PAK5: variants seen among roughly 807,000 people sequenced by gnomAD.
The protein encoded by PAK5 is serine/threonine-protein kinase PAK 5.
Under a neutral mutation model 65.9 loss-of-function variants are expected in PAK5, and 16 were observed. That is an observed-to-expected ratio of 0.24 (90% CI 0.16 to 0.37). The LOEUF is 0.37. Ranked by LOEUF, PAK5 falls within the 10% of genes least tolerant of loss-of-function variation. PAK5 has a pLI of 1.00. For synonymous variants in PAK5, 371 were observed against 354.9 expected, an observed-to-expected ratio of 1.05 and a Z score of -0.51; for missense variants, 785 against 903.9, an observed-to-expected ratio of 0.87 and a Z score of 1.69.
At chr20:9,590,830 C>T (rs1259548091) in intron 3 of PAK5, among the ~76,000 whole-genome samples, 1 of 152,094 alleles carries the variant, frequency 6.6e-6, no homozygotes, top group Non-Finnish European at 1.5e-5. Flanking sequence ...ATAAACAACC[C>T]AACACTGTTC....
chr20:9,556,223 C>T (rs2045504032), intron 7 of PAK5, among the ~76,000 whole-genome samples: 1 of 152,160 alleles, frequency 6.6e-6, no homozygotes, highest in South Asian at 2.1e-4. Context: ...ACTTAAAACT[C>T]CTCATTAAAC....
rs749283475 is a variant in PAK5 at position 9,580,466 on chromosome 20, C to T, written c.669G>A (p.Ser223=). ...SDLKWEYQRA[S]SSSPLDYSFQ... is the part of the protein sequence containing the mutation. ...ATGAATAATCCAGAGGGGAGCTACTCGAGGCTCTCTGATACTCCCACTTGA... is the reference window on the plus strand; with the variant it reads ...ATGAATAATCCAGAGGGGAGCTACTTGAGGCTCTCTGATACTCCCACTTGA... The change falls in exon 4 of 10, where the codon TCG becomes TCA. Residue 223 remains serine, a synonymous_variant. Coordinates refer to ENST00000353224, the MANE Select transcript of PAK5 (RefSeq NM_177990.4). 6 of 1,614,016 alleles carry T rather than the reference C, an allele frequency of 3.7e-6. No homozygotes were observed. The highest frequency in any genetic ancestry group is 1.7e-5 in the Admixed American group (1 of 60,006).
intron 2 of PAK5, among the ~76,000 whole-genome samples, chr20:9,658,364 T>C (rs1176700053): frequency 6.6e-6 from 1 of 152,222 alleles, no homozygotes; most frequent in Non-Finnish European, 1.5e-5. Context: ...GATGGCCACA[T>C]GGACTCTCAT....
At chr20:9,718,548 C>T (rs138140233) in intron 1 of PAK5, among the ~76,000 whole-genome samples, 23 of 152,000 alleles carry the variant, frequency 1.5e-4, no homozygotes, top group African/African-American at 5.6e-4. Context: ...ATATTGAGTT[C>T]TAGCCAAATA....
intron 3 of PAK5, among the ~76,000 whole-genome samples, chr20:9,640,528 G>A (rs1189347125): frequency 6.6e-6 from 1 of 152,140 alleles, no homozygotes; most frequent in Non-Finnish European, 1.5e-5. Flanking sequence ...ACATACGTGT[G>A]CTTGTGTGTT....
intron 6 of PAK5, among the ~76,000 whole-genome samples, chr20:9,562,472 T>G (rs780406088): frequency 5.3e-5 from 8 of 152,206 alleles, no homozygotes; most frequent in Non-Finnish European, 1.0e-4. Flanking sequence ...CCCAGATTCA[T>G]TATTTTGATA....
intron 1 of PAK5, among the ~76,000 whole-genome samples, chr20:9,734,163 G>C (rs1388554923): frequency 6.6e-6 from 1 of 152,172 alleles, no homozygotes; most frequent in Admixed American, 6.5e-5. Context: ...TGTGCTAAAA[G>C]AAAAGTTGTA....
At chr20:9,813,766 G>T (rs918772269) in intron 1 of PAK5, among the ~76,000 whole-genome samples, 1 of 152,134 alleles carries the variant, frequency 6.6e-6, no homozygotes. Context: ...AATTTTAATC[G>T]ATGCCGACAA....
chr20:9,690,774 G>GTTTT, intron 2 of PAK5, among the ~76,000 whole-genome samples: 1 of 100,642 alleles, frequency 9.9e-6, no homozygotes, highest in Non-Finnish European at 1.9e-5. Context: ...TTTTTTTTGA[G>GTTTT]AAGGAGTTTC....
chr20:9,657,338 T>A (rs1352632711), intron 2 of PAK5, among the ~76,000 whole-genome samples: 1 of 152,306 alleles, frequency 6.6e-6, no homozygotes, highest in Admixed American at 6.5e-5. Flanking sequence ...CATTCTTTTT[T>A]ATTGGTGAGT....
chr20:9,574,594 T>C (rs1421099976), intron 4 of PAK5, among the ~76,000 whole-genome samples: 5 of 151,064 alleles, frequency 3.3e-5, no homozygotes. Flanking sequence ...TTCATTTTGT[T>C]TTTAATTTGG....
chr20:9,675,046 C>T (rs964492176), intron 2 of PAK5, among the ~76,000 whole-genome samples: 5 of 152,132 alleles, frequency 3.3e-5, no homozygotes, highest in African/African-American at 9.7e-5. Flanking sequence ...CACAATTCCT[C>T]CTAAATAGGA....
At chr20:9,753,060 C>G (rs916101282) in intron 1 of PAK5, among the ~76,000 whole-genome samples, 1 of 152,146 alleles carries the variant, frequency 6.6e-6, no homozygotes, top group Non-Finnish European at 1.5e-5. Context: ...CCAGACCAGC[C>G]AACCCCAAGC....
chr20:9,731,936 A>G (rs2048338894), intron 1 of PAK5, among the ~76,000 whole-genome samples: 1 of 152,224 alleles, frequency 6.6e-6, no homozygotes, highest in Non-Finnish European at 1.5e-5. Context: ...TGAATATAAA[A>G]TGTCAAAATT....
intron 1 of PAK5, among the ~76,000 whole-genome samples, chr20:9,812,681 A>G (rs1174162657): frequency 6.6e-6 from 1 of 152,186 alleles, no homozygotes; most frequent in African/African-American, 2.4e-5. Context: ...ATCAACTCAA[A>G]TGCACATCAA....
intron 2 of PAK5, among the ~76,000 whole-genome samples, chr20:9,651,981 A>C (rs933486932): frequency 1.3e-5 from 2 of 152,256 alleles, no homozygotes; most frequent in Non-Finnish European, 2.9e-5. Flanking sequence ...ATAAGACCAC[A>C]GAATTTTAAA....
At chr20:9,687,076 C>T (rs910610812) in intron 2 of PAK5, among the ~76,000 whole-genome samples, 1 of 152,182 alleles carries the variant, frequency 6.6e-6, no homozygotes, top group Non-Finnish European at 1.5e-5. Context: ...TGGCAGAGAG[C>T]TGCTCTTGGG....
chr20:9,595,094 T>C (rs2046239719), intron 3 of PAK5, among the ~76,000 whole-genome samples: 1 of 150,756 alleles, frequency 6.6e-6, no homozygotes, highest in South Asian at 2.1e-4. Flanking sequence ...TATATACACA[T>C]ATACATATAT....
chr20:9,558,110 G>T (rs1457036098), intron 6 of PAK5, among the ~76,000 whole-genome samples: 2 of 150,716 alleles, frequency 1.3e-5, no homozygotes, highest in African/African-American at 2.5e-5. Flanking sequence ...AGGCTGGAGT[G>T]CAGTCTTCCT....
Sources: allele counts gnomAD v4.1 joint callset (sites outside exome capture counted in the v4.1 genomes callset), GRCh38; gene constraint gnomAD v4.1.1; transcripts MANE v1.5; gene names NCBI Gene and HGNC (gene_info 2026-07-23, HGNC 2026-07-21).